Variants in TUSC3 observed in about 807,000 individuals in gnomAD.
TUSC3 encodes dolichyl-diphosphooligosaccharide--protein glycosyltransferase subunit TUSC3.
TUSC3 carries 45 observed loss-of-function variants against 44.8 expected under a neutral mutation model. That is an observed-to-expected ratio of 1.00 (90% CI 0.79 to 1.29). TUSC3 has a LOEUF of 1.29. Ranked by LOEUF, TUSC3 falls within the 50% of genes most tolerant of loss-of-function variation. The pLI is 0.00. For synonymous variants in TUSC3, 212 were observed against 152.9 expected (o/e 1.39, Z -2.85); for missense variants, 519 against 437.9 (o/e 1.19, Z -1.65).
At chr8:15,634,035 C>T (rs1177059413) in intron 2 of TUSC3, among the ~76,000 whole-genome samples, 6 of 152,102 alleles carry the variant, frequency 3.9e-5, no homozygotes, top group East Asian at 3.9e-4. Flanking sequence ...TACTGTGATC[C>T]GAGGGCTGTA....
intron 1 of TUSC3, among the ~76,000 whole-genome samples, chr8:15,417,790 G>A (rs1432934170): frequency 6.6e-6 from 1 of 152,146 alleles, no homozygotes; most frequent in East Asian, 1.9e-4. Context: ...TAATGTTCCT[G>A]ATTGGCGTTG....
At chr8:15,818,223 CAT>C in the TUSC3 span, among the ~76,000 whole-genome samples, 1 of 152,130 alleles carries the variant, frequency 6.6e-6, no homozygotes, top group African/African-American at 2.4e-5. Context: ...AAAATTGACA[CAT>C]GATAGTCATC....
intron 2 of TUSC3, among the ~76,000 whole-genome samples, chr8:15,530,482 T>C (rs1801435403): frequency 6.6e-6 from 1 of 152,200 alleles, no homozygotes; most frequent in African/African-American, 2.4e-5. Context: ...GTACCATTAT[T>C]ATCCTCATTT....
intron 1 of TUSC3, among the ~76,000 whole-genome samples, chr8:15,482,143 T>C (rs573014298): frequency 2.0e-5 from 3 of 152,328 alleles, no homozygotes; most frequent in African/African-American, 7.2e-5. Context: ...CAACTCCTTA[T>C]CTGTTTAAGT....
At chr8:15,635,820 A>G (rs1039512472) in intron 2 of TUSC3, among the ~76,000 whole-genome samples, 9 of 152,272 alleles carry the variant, frequency 5.9e-5, no homozygotes, top group Non-Finnish European at 8.8e-5. Flanking sequence ...CCAGGTAGCA[A>G]TGGTGGTGAT....
chr8:15,444,232 CCTTCATGCTGTTAAAGACAAGACT>C, intron 1 of TUSC3, among the ~76,000 whole-genome samples: 1 of 152,264 alleles, frequency 6.6e-6, no homozygotes, highest in East Asian at 1.9e-4. Flanking sequence ...GTAAGACGAG[CCTTCATGCTGTTAAAGACAAGACT>C]CTTCATGACA....
At chr8:15,601,339 G>C (rs1286933826) in intron 1 of TUSC3, among the ~76,000 whole-genome samples, 2 of 151,650 alleles carry the variant, frequency 1.3e-5, no homozygotes, top group East Asian at 1.9e-4. Context: ...GTATGCACCT[G>C]TAGTAGAAAT....
intron 1 of TUSC3, among the ~76,000 whole-genome samples, chr8:15,595,747 GC>G (rs1325294823): frequency 6.6e-6 from 1 of 152,036 alleles, no homozygotes; most frequent in Admixed American, 6.6e-5. Flanking sequence ...ACTTATTTTA[GC>G]TTTCTACTTC....
At chr8:15,448,737 GCAAAAAGATATTTATGCATTGTAAA>G (rs965860125) in intron 1 of TUSC3, among the ~76,000 whole-genome samples, 1 of 152,082 alleles carries the variant, frequency 6.6e-6, no homozygotes, top group African/African-American at 2.4e-5. Context: ...TTTAATTGCA[GCAAAAAGATATTTATGCATTGTAAA>G]CAAAAAAGAG....
the TUSC3 span, among the ~76,000 whole-genome samples, chr8:15,841,844 C>CAA: frequency 7.4e-4 from 112 of 152,256 alleles, 2 homozygotes; most frequent in Admixed American, 1.5e-3. Context: ...TGTGTAACTA[C>CAA]AAATGTACTT....
chr8:15,734,776 G>A (rs1810863137), intron 7 of TUSC3, among the ~76,000 whole-genome samples: 1 of 152,142 alleles, frequency 6.6e-6, no homozygotes, highest in South Asian at 2.1e-4. Context: ...CAGAGAAATG[G>A]GTAAGGAGGC....
chr8:15,483,649 A>ATTTTTTTTTTTTTTTTTTTTTCTTT (rs1800694882), intron 2 of TUSC3, among the ~76,000 whole-genome samples: 1 of 66,166 alleles, frequency 1.5e-5, no homozygotes, highest in Non-Finnish European at 2.8e-5. Flanking sequence ...TAGCACTGTG[A>ATTTTTTTTTTTTTTTTTTTTTCTTT]TTTTTTTTTT....
intron 1 of TUSC3, among the ~76,000 whole-genome samples, chr8:15,573,972 C>G (rs1450469754): frequency 6.6e-6 from 1 of 152,070 alleles, no homozygotes; most frequent in African/African-American, 2.4e-5. Context: ...CTAAACCAGT[C>G]CTTTTCTTAG....
In TUSC3 at chr8:15,485,468, T is replaced by C. The variant is rs976342441; in HGVS notation, n.189+1985T>C. ...AATGTCATTATACTCTGTTGTCTTT[T>C]TTTTTTTGTTTTTTGTGACACAGAG... On this transcript the variant is annotated intron_variant and non_coding_transcript_variant, in intron 2 of 5. Transcript: ENST00000503191. 3.5e-5 allele frequency among the ~76,000 whole-genome samples: 5 copies of C among 143,260 alleles called. No homozygotes were observed. In the Admixed American group the frequency reaches 3.5e-4, roughly 10 times the overall value. 94.0% of individuals were successfully genotyped at this position (143,260 alleles called of 152,430 possible).
At chr8:15,553,364 G>A (rs1354284818) in intron 1 of TUSC3, among the ~76,000 whole-genome samples, 2 of 151,664 alleles carry the variant, frequency 1.3e-5, no homozygotes, top group East Asian at 2.0e-4. Flanking sequence ...CTGCAAAAGC[G>A]ATGCTTGCAA....
At chr8:15,592,269 A>T (rs1463620458) in intron 1 of TUSC3, among the ~76,000 whole-genome samples, 1 of 152,070 alleles carries the variant, frequency 6.6e-6, no homozygotes, top group Admixed American at 6.6e-5. Flanking sequence ...GTAGCTCTCA[A>T]GGCAGACAAT....
intron 1 of TUSC3, among the ~76,000 whole-genome samples, chr8:15,426,310 T>C (rs1025507690): frequency 9.2e-5 from 14 of 152,214 alleles, no homozygotes; most frequent in Non-Finnish European, 1.6e-4. Context: ...AAATACCATA[T>C]TGTTAACTAT....
At chr8:15,640,371 C>T (rs943718739) in intron 2 of TUSC3, among the ~76,000 whole-genome samples, 2 of 152,148 alleles carry the variant, frequency 1.3e-5, no homozygotes, top group African/African-American at 4.8e-5. Context: ...GCTTTGTGTC[C>T]TTTCTCTGTA....
At chr8:15,830,948 C>T in the TUSC3 span, among the ~76,000 whole-genome samples, 1 of 152,076 alleles carries the variant, frequency 6.6e-6, no homozygotes, top group Non-Finnish European at 1.5e-5. Flanking sequence ...CAAGTGTGCA[C>T]CTTGCCACGC....
Sources: gnomAD v4.1 joint callset for allele counts (sites outside exome capture counted in the v4.1 genomes callset) on GRCh38, gnomAD v4.1.1 for gene constraint, MANE v1.5 for transcripts, NCBI Gene and HGNC (gene_info 2026-07-23, HGNC 2026-07-21) for gene names.